Variants in HDAC8 observed in about 807,000 individuals in gnomAD.
The protein encoded by HDAC8 is histone deacetylase 8.
In HDAC8, 1 loss-of-function variant was observed where a neutral mutation model predicts 32.2. That is an observed-to-expected ratio of 0.03 (90% CI 0.01 to 0.15). The LOEUF (loss-of-function observed/expected upper bound fraction) is 0.15. HDAC8 is among the 10% of genes least tolerant of loss of function. HDAC8 has a pLI of 1.00. For missense variants in HDAC8, 117 were observed against 300.0 expected, an observed-to-expected ratio of 0.39 and a Z score of 4.51; for synonymous variants, 108 against 113.9, an observed-to-expected ratio of 0.95 and a Z score of 0.33.
At chrX:72,483,881 C>G (rs1169324692) in intron 7 of HDAC8, among the ~76,000 whole-genome samples, 1 of 111,744 alleles carries the variant, frequency 8.9e-6, no homozygotes, top group Non-Finnish European at 1.9e-5. Flanking sequence ...AAGATTCTAC[C>G]CAGGAATAAA....
chrX:72,487,985 G>A (rs1344430095), intron 7 of HDAC8, among the ~76,000 whole-genome samples: 2 of 110,088 alleles, frequency 1.8e-5, no homozygotes, highest in African/African-American at 6.6e-5. Flanking sequence ...GAGGTAGCCA[G>A]GAGACATGAT....
chrX:72,387,148 A>G, intron 9 of HDAC8, among the ~76,000 whole-genome samples: 1 of 112,571 alleles, frequency 8.9e-6, no homozygotes, highest in Middle Eastern at 4.6e-3. Context: ...CACTCAATTT[A>G]AGCCTGCGTG....
intron 9 of HDAC8, among the ~76,000 whole-genome samples, chrX:72,434,990 T>G (rs1181410756): frequency 8.9e-6 from 1 of 112,245 alleles, no homozygotes; most frequent in African/African-American, 3.2e-5. Context: ...AAAGTTTTAG[T>G]TACAAAAATG....
At chrX:72,546,040 T>C (rs782365317) in intron 4 of HDAC8, among the ~76,000 whole-genome samples, 1 of 111,963 alleles carries the variant, frequency 8.9e-6, no homozygotes, top group Non-Finnish European at 1.9e-5. Flanking sequence ...TGTAATTCAC[T>C]ACCATTTACT....
intron 9 of HDAC8, among the ~76,000 whole-genome samples, chrX:72,448,900 T>C (rs1369422970): frequency 1.8e-5 from 2 of 112,251 alleles, no homozygotes; most frequent in African/African-American, 6.5e-5. Flanking sequence ...CCAGTTAGAA[T>C]GGCGATCATT....
intron 9 of HDAC8, among the ~76,000 whole-genome samples, chrX:72,377,336 A>T (rs1377302419): frequency 8.9e-6 from 1 of 111,775 alleles, no homozygotes; most frequent in Non-Finnish European, 1.9e-5. Context: ...ATTTACTGAG[A>T]CTTCTTTTGT....
At chrX:72,377,898 C>T (rs1309229418) in intron 9 of HDAC8, among the ~76,000 whole-genome samples, 1 of 110,692 alleles carries the variant, frequency 9.0e-6, no homozygotes, top group Admixed American at 9.7e-5. Context: ...TCCTCCATTA[C>T]TGCATTCTTT....
chrX:72,376,324 T>A (rs2059724038), intron 9 of HDAC8, among the ~76,000 whole-genome samples: 1 of 112,680 alleles, frequency 8.9e-6, no homozygotes, highest in African/African-American at 3.2e-5. Flanking sequence ...GTAATTTTGC[T>A]GAGCTTTGCA....
chrX:72,333,711 G>T (rs1555941434), intron 10 of HDAC8, among the ~76,000 whole-genome samples: 1 of 86,719 alleles, frequency 1.2e-5, no homozygotes, highest in Non-Finnish European at 2.3e-5. Context: ...AAAAAAAAAA[G>T]ACTTTAGCAG....
Position 72,489,314 on chromosome X carries a change from G to C in HDAC8, c.629-273C>G, listed in dbSNP as rs2048782288. On this transcript the variant is annotated intron_variant, in intron 6 of 10. Transcript: ENST00000373573. ...GTTGACATAACATCAATTTATCACT[G>C]CAATTATTCAGGATGTTAGGAGTTG... The C allele has an allele frequency of 7.4e-6, 3 of 407,834 alleles. No homozygotes were observed. The East Asian group carries it at 1.6e-4, about 22-fold the overall frequency. 33.6% of individuals were successfully genotyped at this position (407,834 alleles called of 1,213,427 possible).
intron 9 of HDAC8, among the ~76,000 whole-genome samples, chrX:72,447,214 G>A (rs376600982): frequency 8.9e-6 from 1 of 112,082 alleles, no homozygotes; most frequent in South Asian, 3.7e-4. Flanking sequence ...ACCAAATTCA[G>A]CAGCACATCA....
intron 7 of HDAC8, chrX:72,474,324 A>G (rs1449452828): frequency 2.7e-6 from 2 of 753,230 alleles, no homozygotes; most frequent in Admixed American, 8.2e-5. Flanking sequence ...AAAAATTTCC[A>G]CTAACTTCCT....
chrX:72,475,583 G>A (rs1260960928), intron 7 of HDAC8, among the ~76,000 whole-genome samples: 1 of 111,797 alleles, frequency 8.9e-6, no homozygotes, highest in Non-Finnish European at 1.9e-5. Flanking sequence ...ATTACAAATG[G>A]TTCAGGGATG....
chrX:72,457,144 T>G (rs1002743201), intron 9 of HDAC8, among the ~76,000 whole-genome samples: 2 of 111,487 alleles, frequency 1.8e-5, no homozygotes. Context: ...GAAAAACATT[T>G]GACAAAATCA....
chrX:72,563,621 C>A (rs2051664962), intron 4 of HDAC8, among the ~76,000 whole-genome samples: 1 of 112,060 alleles, frequency 8.9e-6, no homozygotes, highest in Non-Finnish European at 1.9e-5. Flanking sequence ...GGATAATATT[C>A]TAAGGAGTAG....
intron 4 of HDAC8, among the ~76,000 whole-genome samples, chrX:72,549,261 G>A (rs1471284316): frequency 1.8e-5 from 2 of 108,500 alleles, no homozygotes; most frequent in Non-Finnish European, 3.8e-5. Flanking sequence ...TTTCCACCCC[G>A]TTTTAAACAC....
chrX:72,331,031 C>T (rs1555940305), intron 10 of HDAC8, among the ~76,000 whole-genome samples: 1 of 98,351 alleles, frequency 1.0e-5, no homozygotes, highest in African/African-American at 3.9e-5. Flanking sequence ...CGGCTCACTG[C>T]AATCTCCCGG....
intron 9 of HDAC8, among the ~76,000 whole-genome samples, chrX:72,433,367 TG>T (rs781875607): frequency 8.9e-5 from 10 of 112,158 alleles, no homozygotes; most frequent in African/African-American, 3.2e-4. Flanking sequence ...GTGCTTGTGC[TG>T]AAAAACCAAA....
intron 9 of HDAC8, among the ~76,000 whole-genome samples, chrX:72,360,002 C>T (rs1168834239): frequency 1.9e-5 from 2 of 106,235 alleles, no homozygotes; most frequent in African/African-American, 7.0e-5. Flanking sequence ...TGCAGTGAGT[C>T]AAGATTGCAC....
Sources: gnomAD v4.1 joint callset for allele counts (sites outside exome capture counted in the v4.1 genomes callset) on GRCh38, gnomAD v4.1.1 for gene constraint, MANE v1.5 for transcripts, NCBI Gene and HGNC (gene_info 2026-07-23, HGNC 2026-07-21) for gene names.